The following CFAP43 variants were observed in gnomAD, a reference collection of about 807,000 sequenced individuals.
The protein encoded by CFAP43 is cilia- and flagella-associated protein 43.
A neutral mutation model predicts 218.9 loss-of-function variants in CFAP43; 155 were observed. That is an observed-to-expected ratio of 0.71 (90% CI 0.62 to 0.81). The LOEUF (loss-of-function observed/expected upper bound fraction) is 0.81. CFAP43 is among the 30% of genes least tolerant of loss of function. The pLI is 0.00. For missense variants in CFAP43, 1,778 were observed against 1,954.3 expected, an observed-to-expected ratio of 0.91 and a Z score of 1.70; for synonymous variants, 645 against 681.3, an observed-to-expected ratio of 0.95 and a Z score of 0.83.
chr10:104,163,624 T>G (rs537635824), intron 24 of CFAP43, among the ~76,000 whole-genome samples: 2 of 152,298 alleles, frequency 1.3e-5, no homozygotes, highest in African/African-American at 4.8e-5. Context: ...GGAGCTCCAC[T>G]GGCCTCGTTC....
intron 34 of CFAP43, among the ~76,000 whole-genome samples, chr10:104,138,680 GAA>G (rs78901676): frequency 9.5e-6 from 1 of 105,638 alleles, no homozygotes; most frequent in African/African-American, 3.5e-5. Flanking sequence ...AGTCTAAAAA[GAA>G]AAAAAAAAAA....
At chr10:104,144,324 T>G (rs1386951802) in intron 31 of CFAP43, among the ~76,000 whole-genome samples, 1 of 152,194 alleles carries the variant, frequency 6.6e-6, no homozygotes, top group Non-Finnish European at 1.5e-5. Flanking sequence ...GGAGAAGGTA[T>G]GTAATTGGGC....
intron 30 of CFAP43, 57 bp downstream of exon 30, chr10:104,146,206 A>G (rs2087959391): frequency 7.0e-7 from 1 of 1,426,690 alleles, no homozygotes; most frequent in South Asian, 1.2e-5. Flanking sequence ...ACCTTCCTCC[A>G]ATCCAGGCAG....
chr10:104,205,212 C>CAAAA lies in CFAP43; in HGVS notation c.963+747_963+750dup, dbSNP rs71022723. On this transcript the variant is annotated intron_variant, in intron 7 of 37. Coordinates refer to ENST00000357060, the MANE Select transcript of CFAP43 (RefSeq NM_025145.7). ...TGGGAGACAGAGCGAGACTCCGTCT[C>CAAAA]AAAAAAAAAAAAAAAAAAAAAAAGA... Among the ~76,000 whole-genome samples, 416 of 56,474 alleles carry CAAAA rather than the reference C, an allele frequency of 7.4e-3. 11 individuals are homozygous for CAAAA. The highest frequency in any genetic ancestry group is 0.027 in the African/African-American group (398 of 14,768). 37.0% of individuals were successfully genotyped at this position (56,474 alleles called of 152,430 possible).
chr10:104,231,913 G>T (rs1267908205), intron 1 of CFAP43, among the ~76,000 whole-genome samples: 6 of 151,986 alleles, frequency 3.9e-5, no homozygotes, highest in African/African-American at 1.5e-4. Context: ...TGCAGGGGAC[G>T]TTGCTGGGTA....
At chr10:104,187,637 A>T (rs977347410) in intron 13 of CFAP43, 145 bp from the exon 14 acceptor site, 2 of 654,872 alleles carry the variant, frequency 3.1e-6, no homozygotes. Flanking sequence ...AAAATGATTT[A>T]AAAACACTTG....
intron 17 of CFAP43, 102 bp from the exon 18 acceptor site, chr10:104,180,034 T>C (rs2089774324): frequency 3.5e-6 from 3 of 866,852 alleles, no homozygotes. Flanking sequence ...TTCCTTTGTA[T>C]TTGTTGCATT....
Position 104,159,606 on chromosome 10 carries a change from G to A in CFAP43, c.3540+1431C>T, listed in dbSNP as rs185513461. ...ACCCATAAGAAGCAGAAAGGCAGAC[G>A]CCATGGATTCAGTGGAGCTGGCGGG... On this transcript the variant is annotated intron_variant, in intron 27 of 37. Transcript: ENST00000357060. Among the ~76,000 whole-genome samples, 82 of 152,314 alleles carry A rather than the reference G, an allele frequency of 5.4e-4. No homozygotes were observed. The East Asian group carries it at 0.011, about 21-fold the overall frequency.
At chr10:104,167,779 T>C (rs1485389166) in intron 21 of CFAP43, 42 bp from the exon 22 acceptor site, 8 of 1,485,288 alleles carry the variant, frequency 5.4e-6, no homozygotes, top group Non-Finnish European at 7.4e-6. Context: ...CCATTTGTAG[T>C]ATAATTGTGT....
chr10:104,179,122 T>A lies in CFAP43; in HGVS notation c.2383-16A>T, dbSNP rs1333550688. 1.9e-6 allele frequency: 3 copies of A among 1,592,906 alleles called. No homozygotes were observed. Among genetic ancestry groups the A allele is most frequent in the Middle Eastern group, 1.7e-4 (1 of 5,998 alleles). ...TTTTGATGGCCTGAAACAGAACAAG[T>A]ATATCACTTAACAAAGCAAGAGAAA... is the stretch of plus-strand genomic sequence containing the variant. On this transcript the variant is annotated splice_polypyrimidine_tract_variant and intron_variant, in intron 18 of 37. Transcript: ENST00000357060.
intron 30 of CFAP43, 49 bp downstream of exon 30, chr10:104,146,214 C>A: frequency 1.4e-6 from 2 of 1,456,350 alleles, no homozygotes; most frequent in South Asian, 1.2e-5. Flanking sequence ...CCAATCCAGG[C>A]AGCAACAACT....
intron 23 of CFAP43, among the ~76,000 whole-genome samples, 164 bp downstream of exon 23, chr10:104,166,324 G>A (rs1050454118): frequency 3.9e-5 from 6 of 152,014 alleles, no homozygotes; most frequent in African/African-American, 9.7e-5. Context: ...TGACTGCCTC[G>A]TCCTCCCAAA....
At chr10:104,166,086 C>G (rs1442383395) in intron 23 of CFAP43, among the ~76,000 whole-genome samples, 1 of 152,116 alleles carries the variant, frequency 6.6e-6, no homozygotes. Flanking sequence ...TATTTTGAGA[C>G]AGTGTCTCGC....
chr10:104,174,324 T>C (rs1330855066), intron 19 of CFAP43, among the ~76,000 whole-genome samples: 2 of 152,226 alleles, frequency 1.3e-5, no homozygotes, highest in Non-Finnish European at 2.9e-5. Flanking sequence ...CTCACAATCA[T>C]GGCAGAAAGT....
At chr10:104,147,579 A>G (rs1180941270) in intron 29 of CFAP43, among the ~76,000 whole-genome samples, 1 of 152,174 alleles carries the variant, frequency 6.6e-6, no homozygotes, top group Non-Finnish European at 1.5e-5. Context: ...GCCTTGTCCT[A>G]GGTCCCACAG....
At chr10:104,181,451 C>T (rs2089841275) in intron 17 of CFAP43, among the ~76,000 whole-genome samples, 1 of 152,212 alleles carries the variant, frequency 6.6e-6, no homozygotes, top group South Asian at 2.1e-4. Flanking sequence ...CTCATAGCAT[C>T]AAATAGTCAT....
chr10:104,203,491 A>T, intron 8 of CFAP43, 181 bp downstream of exon 8: 1 of 509,646 alleles, frequency 2.0e-6, no homozygotes, highest in Non-Finnish European at 3.2e-6. Context: ...CATGCACAAA[A>T]ATAAACCAAT....
intron 29 of CFAP43, among the ~76,000 whole-genome samples, chr10:104,147,361 T>C (rs1316987305): frequency 6.6e-6 from 1 of 152,048 alleles, no homozygotes; most frequent in African/African-American, 2.4e-5. Flanking sequence ...AAGCTGACAT[T>C]TGTAGAAACA....
intron 10 of CFAP43, among the ~76,000 whole-genome samples, chr10:104,194,872 G>A (rs1479827666): frequency 6.6e-6 from 1 of 152,186 alleles, no homozygotes; most frequent in African/African-American, 2.4e-5. Flanking sequence ...CATATGTGGT[G>A]ACAAACTTCA....
Sources: allele counts gnomAD v4.1 joint callset (sites outside exome capture counted in the v4.1 genomes callset), GRCh38; gene constraint gnomAD v4.1.1; transcripts MANE v1.5; gene names NCBI Gene and HGNC (gene_info 2026-07-23, HGNC 2026-07-21).